The following FRMPD4 variants were observed in gnomAD, a reference collection of about 807,000 sequenced individuals.
FRMPD4 encodes FERM and PDZ domain-containing protein 4.
In FRMPD4, 22 loss-of-function variants were observed where a neutral mutation model predicts 94.1. That is an observed-to-expected ratio of 0.23 (90% CI 0.17 to 0.33). The LOEUF (loss-of-function observed/expected upper bound fraction) is 0.33. FRMPD4 is among the 10% of genes least tolerant of loss of function. The pLI is 1.00. For missense variants in FRMPD4, 1,111 were observed against 1,339.9 expected (o/e 0.83, Z 2.67); for synonymous variants, 631 against 548.6 (o/e 1.15, Z -2.10).
intron 1 of FRMPD4, among the ~76,000 whole-genome samples, chrX:12,267,746 G>A (rs772092543): frequency 8.9e-6 from 1 of 112,645 alleles, no homozygotes; most frequent in South Asian, 3.7e-4. Flanking sequence ...CTGAGCAGAG[G>A]GGGAAAGGTT....
chrX:12,538,991 G>C (rs151321565), intron 2 of FRMPD4, among the ~76,000 whole-genome samples: 1 of 112,006 alleles, frequency 8.9e-6, no homozygotes, highest in Non-Finnish European at 1.9e-5. Context: ...ACTTCTGCGA[G>C]CTAAAGGAGG....
intron 4 of FRMPD4, among the ~76,000 whole-genome samples, chrX:12,647,731 C>T (rs1267185103): frequency 8.9e-6 from 1 of 111,945 alleles, no homozygotes; most frequent in African/African-American, 3.2e-5. Flanking sequence ...AGGCTTAGTC[C>T]TTCTCGTGCC....
At chrX:12,013,833 G>A (rs958069526) in intron 3 of FRMPD4, among the ~76,000 whole-genome samples, 9 of 112,713 alleles carry the variant, frequency 8.0e-5, no homozygotes, top group Non-Finnish European at 1.5e-4. Context: ...CCGCCAACTT[G>A]GCATTATTAG....
chrX:11,843,908 G>T (rs1426463129), intron 1 of FRMPD4, among the ~76,000 whole-genome samples: 4 of 107,697 alleles, frequency 3.7e-5, no homozygotes, highest in African/African-American at 1.4e-4. Flanking sequence ...ACTATCTTAT[G>T]TCAGTTCGTT....
At chrX:12,219,827 G>C (rs745609111) in intron 1 of FRMPD4, among the ~76,000 whole-genome samples, 9 of 111,980 alleles carry the variant, frequency 8.0e-5, no homozygotes, top group Non-Finnish European at 1.5e-4. Context: ...GGCAAGTTAG[G>C]TTAGGCTATG....
intron 2 of FRMPD4, among the ~76,000 whole-genome samples, chrX:11,873,651 G>T (rs1190468880): frequency 3.7e-5 from 4 of 108,148 alleles, no homozygotes; most frequent in Non-Finnish European, 3.8e-5. Context: ...TTAAATGTCA[G>T]TTGTCCCTAA....
chrX:12,109,338 AAATG>A (rs1339660921), intron 3 of FRMPD4, among the ~76,000 whole-genome samples: 1 of 112,222 alleles, frequency 8.9e-6, no homozygotes, highest in South Asian at 3.7e-4. Context: ...GTACATAACA[AAATG>A]AAGGCAGAAA....
At chrX:12,670,879 A>T (rs2059833848) in intron 4 of FRMPD4, among the ~76,000 whole-genome samples, 1 of 112,410 alleles carries the variant, frequency 8.9e-6, no homozygotes, top group Non-Finnish European at 1.9e-5. Flanking sequence ...AAGGAACTTA[A>T]ACAGATTTAC....
intron 3 of FRMPD4, among the ~76,000 whole-genome samples, chrX:12,086,663 G>C (rs886224182): frequency 9.0e-6 from 1 of 111,573 alleles, no homozygotes; most frequent in Non-Finnish European, 1.9e-5. Flanking sequence ...TGCAAAGCTA[G>C]GCTGGTCCTG....
intron 3 of FRMPD4, among the ~76,000 whole-genome samples, chrX:12,061,443 G>A (rs776412576): frequency 8.0e-5 from 9 of 111,859 alleles, no homozygotes; most frequent in Non-Finnish European, 1.7e-4. Context: ...TTATGCAAAA[G>A]AGGCATATTT....
chrX:12,714,849 A>G (rs2042050420), intron 14 of FRMPD4, among the ~76,000 whole-genome samples: 1 of 112,281 alleles, frequency 8.9e-6, no homozygotes, highest in East Asian at 2.8e-4. Context: ...ATTGTATGGT[A>G]AGATGCAAAT....
At chrX:12,310,496 C>G (rs755915154) in intron 1 of FRMPD4, among the ~76,000 whole-genome samples, 1 of 112,182 alleles carries the variant, frequency 8.9e-6, no homozygotes, top group East Asian at 2.8e-4. Context: ...AAATAAAATT[C>G]AGAAACCATC....
intron 3 of FRMPD4, among the ~76,000 whole-genome samples, chrX:12,027,027 T>A (rs763013802): frequency 3.4e-4 from 38 of 112,031 alleles, no homozygotes; most frequent in African/African-American, 1.2e-3. Flanking sequence ...TAACTGGTGA[T>A]TTTCCAACTT....
intron 3 of FRMPD4, among the ~76,000 whole-genome samples, chrX:12,058,662 A>C (rs987658210): frequency 4.5e-5 from 5 of 111,496 alleles, no homozygotes; most frequent in African/African-American, 1.3e-4. Flanking sequence ...ATAATTATTA[A>C]AATTATTATA....
intron 3 of FRMPD4, among the ~76,000 whole-genome samples, chrX:12,041,006 A>G (rs746566293): frequency 9.0e-6 from 1 of 111,387 alleles, no homozygotes; most frequent in South Asian, 3.8e-4. Context: ...TACTATACGC[A>G]TCTTAAATGA....
intron 2 of FRMPD4, among the ~76,000 whole-genome samples, chrX:12,583,834 C>G: frequency 8.9e-6 from 1 of 112,240 alleles, no homozygotes. Context: ...GGGCGGGGCG[C>G]TGTTGACTCT....
chrX:12,479,672 T>C (rs1038857299), intron 1 of FRMPD4, among the ~76,000 whole-genome samples: 12 of 107,903 alleles, frequency 1.1e-4, no homozygotes, highest in Non-Finnish European at 1.7e-4. Flanking sequence ...AATTTTTTTT[T>C]TATTTTTTGT....
intron 1 of FRMPD4, among the ~76,000 whole-genome samples, chrX:12,387,462 A>G (rs937408231): frequency 2.7e-5 from 3 of 111,970 alleles, no homozygotes; most frequent in African/African-American, 9.7e-5. Context: ...AGTGAAATGA[A>G]TCTCACTCAG....
intron 1 of FRMPD4, among the ~76,000 whole-genome samples, chrX:12,408,448 T>C (rs1226697376): frequency 9.0e-6 from 1 of 111,294 alleles, no homozygotes; most frequent in Non-Finnish European, 1.9e-5. Flanking sequence ...TTGCACTTTG[T>C]TGACAAATAA....
Sources: allele counts gnomAD v4.1 joint callset (sites outside exome capture counted in the v4.1 genomes callset), GRCh38; gene constraint gnomAD v4.1.1; transcripts MANE v1.5; gene names NCBI Gene and HGNC (gene_info 2026-07-23, HGNC 2026-07-21).